Variants in TLE4 observed in about 807,000 individuals in gnomAD.
TLE4 encodes the protein transducin-like enhancer protein 4.
Under a neutral mutation model 92.8 loss-of-function variants are expected in TLE4, and 8 were observed. The observed-to-expected ratio is 0.09, with a 90% CI of 0.05 to 0.16. The LOEUF is 0.16. Among genes scored for constraint, TLE4 ranks in the 10% least tolerant of loss-of-function variants. TLE4 has a pLI of 1.00. For synonymous variants in TLE4, 371 were observed against 374.1 expected (o/e 0.99, Z 0.10); for missense variants, 675 against 997.6 (o/e 0.68, Z 4.36).
At chr9:79,625,186 A>G (rs2052256975) in intron 5 of TLE4, among the ~76,000 whole-genome samples, 3 of 149,922 alleles carry the variant, frequency 2.0e-5, no homozygotes, top group African/African-American at 7.3e-5. Context: ...CGCCCGGCTA[A>G]TTTTTTGTAT....
intron 4 of TLE4, among the ~76,000 whole-genome samples, chr9:79,597,101 G>A (rs555791195): frequency 2.6e-5 from 4 of 152,112 alleles, no homozygotes; most frequent in South Asian, 2.1e-4. Flanking sequence ...CATTGATTCC[G>A]TACTCCCCTG....
intron 6 of TLE4, among the ~76,000 whole-genome samples, chr9:79,628,065 C>G (rs1050734148): frequency 6.6e-6 from 1 of 151,954 alleles, no homozygotes; most frequent in African/African-American, 2.4e-5. Flanking sequence ...CACTTCAACT[C>G]TGCTTATATA....
At chr9:79,574,222 T>TAA (rs773345484) in intron 2 of TLE4, 3 of 141,268 alleles carry the variant, frequency 2.1e-5, no homozygotes, top group East Asian at 2.0e-4. Flanking sequence ...ACTTTTATGC[T>TAA]AAAAAAAAAA....
At chr9:79,697,512 A>G (rs142685042) in intron 8 of TLE4, among the ~76,000 whole-genome samples, 67 of 152,200 alleles carry the variant, frequency 4.4e-4, no homozygotes, top group Non-Finnish European at 8.2e-4. Flanking sequence ...TAAGCTCCCT[A>G]CATAAGAATC....
intron 4 of TLE4, among the ~76,000 whole-genome samples, chr9:79,605,283 C>T (rs2046549461): frequency 6.6e-6 from 1 of 152,078 alleles, no homozygotes; most frequent in African/African-American, 2.4e-5. Flanking sequence ...ATTTTCCCTG[C>T]CTCTCCCCTC....
intron 5 of TLE4, among the ~76,000 whole-genome samples, chr9:79,618,638 G>A (rs557020537): frequency 1.3e-4 from 20 of 152,258 alleles, no homozygotes; most frequent in African/African-American, 4.8e-4. Flanking sequence ...CTACACTCCT[G>A]TAATTCCATG....
intron 12 of TLE4, 144 bp downstream of exon 12, chr9:79,708,394 T>C: frequency 3.4e-6 from 4 of 1,166,924 alleles, no homozygotes; most frequent in Non-Finnish European, 4.8e-6. Flanking sequence ...ACCGAGCACC[T>C]GGGACCAACC....
chr9:79,627,741 CA>C (rs1175354547), intron 6 of TLE4: 18,500 of 259,722 alleles, frequency 0.071, 5 homozygotes, highest in South Asian at 0.12. Flanking sequence ...TAACCTAGGC[CA>C]AAAAAAAAAA....
intron 8 of TLE4, among the ~76,000 whole-genome samples, chr9:79,670,643 T>G (rs1233233034): frequency 6.6e-6 from 1 of 152,190 alleles, no homozygotes; most frequent in Non-Finnish European, 1.5e-5. Context: ...CTGGTGTGTG[T>G]TGGGACCTGT....
chr9:79,655,571 G>C (rs73652224), intron 8 of TLE4, among the ~76,000 whole-genome samples: 273 of 152,238 alleles, frequency 1.8e-3, no homozygotes, highest in African/African-American at 6.4e-3. Flanking sequence ...TTTACAATTA[G>C]AACTGAACAC....
intron 4 of TLE4, among the ~76,000 whole-genome samples, chr9:79,580,727 C>A (rs989125573): frequency 1.3e-4 from 19 of 147,948 alleles, no homozygotes; most frequent in Non-Finnish European, 2.2e-4. Flanking sequence ...TTTTTTTTTT[C>A]AGAGATAGGT....
At chr9:79,631,664 T>TG (rs1323328890) in intron 6 of TLE4, among the ~76,000 whole-genome samples, 2 of 43,858 alleles carry the variant, frequency 4.6e-5, no homozygotes, top group Non-Finnish European at 1.3e-4. Flanking sequence ...GTGTGTGTGT[T>TG]TTCTACATTG....
chr9:79,664,670 C>A (rs2061094166), intron 8 of TLE4, among the ~76,000 whole-genome samples: 1 of 152,092 alleles, frequency 6.6e-6, no homozygotes, highest in Admixed American at 6.5e-5. Context: ...AGTCCCCCAC[C>A]CCTGACCTCT....
chr9:79,607,863 G>T (rs548143767), intron 4 of TLE4, among the ~76,000 whole-genome samples: 1 of 151,922 alleles, frequency 6.6e-6, no homozygotes, highest in Non-Finnish European at 1.5e-5. Context: ...TTTTGCTTAG[G>T]ATTGTCTTGG....
At chr9:79,622,828 T>C (rs1363243207) in intron 5 of TLE4, among the ~76,000 whole-genome samples, 4 of 152,294 alleles carry the variant, frequency 2.6e-5, no homozygotes, top group Admixed American at 2.6e-4. Flanking sequence ...CTTCTTTCTG[T>C]TTTATATCCT....
chr9:79,572,950 C>CG, intron 1 of TLE4, 115 bp downstream of exon 1: 5 of 1,137,412 alleles, frequency 4.4e-6, no homozygotes, highest in Non-Finnish European at 6.0e-6. Context: ...CGCCCGAAAT[C>CG]GGCGCCCCGC....
At chr9:79,579,531 C>CA (rs1275116321) in intron 4 of TLE4, among the ~76,000 whole-genome samples, 1 of 152,158 alleles carries the variant, frequency 6.6e-6, no homozygotes, top group African/African-American at 2.4e-5. Flanking sequence ...TAGTATTCTA[C>CA]AATGTGAAAG....
At chr9:79,643,032 C>G (rs140892197) in intron 6 of TLE4, among the ~76,000 whole-genome samples, 53 of 152,256 alleles carry the variant, frequency 3.5e-4, no homozygotes, top group African/African-American at 1.2e-3. Context: ...TCTCTTTATT[C>G]TTGCTTCTTT....
chr9:79,630,888 T>C (rs2053997483), intron 6 of TLE4, among the ~76,000 whole-genome samples: 1 of 152,198 alleles, frequency 6.6e-6, no homozygotes, highest in African/African-American at 2.4e-5. Flanking sequence ...TCAGTGTGAA[T>C]AGTGGAAAAG....
Sources: gnomAD v4.1 joint callset for allele counts (sites outside exome capture counted in the v4.1 genomes callset) on GRCh38, gnomAD v4.1.1 for gene constraint, MANE v1.5 for transcripts, NCBI Gene and HGNC (gene_info 2026-07-23, HGNC 2026-07-21) for gene names.